Variants in MORN5 observed in about 807,000 individuals in gnomAD.
The protein encoded by MORN5 is MORN repeat containing 5.
A neutral mutation model predicts 22.1 loss-of-function variants in MORN5; 21 were observed. The ratio of observed to expected loss-of-function variants is 0.95; its 90% CI spans 0.67 to 1.37. The LOEUF (loss-of-function observed/expected upper bound fraction) is 1.37, where lower values mean the gene tolerates loss of function less well. Among genes scored for constraint, MORN5 ranks in the 40% most tolerant of loss-of-function variants. The pLI, the probability that MORN5 is intolerant of heterozygous loss-of-function variation, is 0.00. For missense variants in MORN5, 211 were observed against 215.1 expected, an observed-to-expected ratio of 0.98 and a Z score of 0.12; for synonymous variants, 73 against 74.0, an observed-to-expected ratio of 0.99 and a Z score of 0.07.
At chr9:122,185,686 A>G (rs1829618187) in intron 4 of MORN5, among the ~76,000 whole-genome samples, 1 of 152,186 alleles carries the variant, frequency 6.6e-6, no homozygotes, top group Admixed American at 6.5e-5. Context: ...AGTGCCACTG[A>G]CAAACCAAGA....
rs150400155 is a variant in MORN5 at position 122,177,715 on chromosome 9, C to A, written c.439+3088C>A. Among the ~76,000 whole-genome samples the A allele has an allele frequency of 9.7e-4, 147 of 152,322 alleles. No individual in the cohort carries two copies. In the Middle Eastern group the frequency reaches 0.01, roughly 11 times the overall value. On this transcript the variant is annotated intron_variant, in intron 4 of 4. Transcript: ENST00000373764. ...CCCAAAGTGCTGGAATTACCTGACA[C>A]TGCACCTAACCAGGTGTCAATAGCT...
intron 3 of MORN5, among the ~76,000 whole-genome samples, chr9:122,172,382 T>C (rs1829379500): frequency 6.7e-6 from 1 of 149,716 alleles, no homozygotes; most frequent in Non-Finnish European, 1.5e-5. Flanking sequence ...TGGCTCCTGC[T>C]CATGTCCCAG....
intron 4 of MORN5, among the ~76,000 whole-genome samples, chr9:122,194,857 CA>C (rs1316944989): frequency 6.6e-6 from 1 of 151,816 alleles, no homozygotes; most frequent in Non-Finnish European, 1.5e-5. Flanking sequence ...CCATCTCTAC[CA>C]AAAATACAAA....
chr9:122,199,718 C>T (rs1274866267), intron 4 of MORN5, among the ~76,000 whole-genome samples, 167 bp from the exon 5 acceptor site: 1 of 152,146 alleles, frequency 6.6e-6, no homozygotes, highest in Admixed American at 6.5e-5. Context: ...ACCAGCCACT[C>T]CGAGGAATTC....
At position 122,159,908 on chromosome 9, in the gene MORN5, G is replaced by A. The variant is rs1829163327; in HGVS notation, c.-65G>A. 6.4e-7 allele frequency: 1 copy of A among 1,551,930 alleles called. No homozygotes were observed. The highest frequency in any genetic ancestry group is 8.9e-7 in the Non-Finnish European group (1 of 1,123,460). On this transcript the variant is annotated 5_prime_UTR_variant, in exon 1 of 5. Coordinates refer to ENST00000373764, the MANE Select transcript of MORN5 (RefSeq NM_198469.4). ...TCGGCTCCGCCCACCCCTCCAGGTT[G>A]TCATAGTGATGCCGTATCCACTGAG...
chr9:122,181,747 T>G (rs1197546844), intron 4 of MORN5, among the ~76,000 whole-genome samples: 1 of 152,166 alleles, frequency 6.6e-6, no homozygotes, highest in African/African-American at 2.4e-5. Context: ...AGGTTACTTT[T>G]CCCCTTGGAG....
At chr9:122,166,210 G>A (rs1407019345) in intron 1 of MORN5, among the ~76,000 whole-genome samples, 1 of 151,936 alleles carries the variant, frequency 6.6e-6, no homozygotes, top group African/African-American at 2.4e-5. Flanking sequence ...TGACATGTGG[G>A]GATTATGGGA....
rs918372800 is a variant in MORN5 at position 122,197,254 on chromosome 9, T to C, written c.440-2631T>C. Among the ~76,000 whole-genome samples, 8 of 149,766 alleles carry C rather than the reference T, an allele frequency of 5.3e-5. No individual in the cohort carries two copies. Among genetic ancestry groups the C allele is most frequent in the African/African-American group, 2.0e-4 (8 of 40,286 alleles). ...ATTGATTAAAGAGTTTGTGGGGTGT[T>C]TTTCCCCCATCTTTTTTCTCCCTCC... On this transcript the variant is annotated intron_variant, in intron 4 of 4. Coordinates refer to ENST00000373764, the MANE Select transcript of MORN5 (RefSeq NM_198469.4). The surrounding 1 kb of genome is among the most constrained non-coding windows in gnomAD (Gnocchi z 5.7).
chr9:122,160,355 G>A (rs1444251816), intron 1 of MORN5, among the ~76,000 whole-genome samples: 1 of 152,180 alleles, frequency 6.6e-6, no homozygotes, highest in Non-Finnish European at 1.5e-5. Flanking sequence ...AATAATTACA[G>A]ATAATGGTAA....
intron 4 of MORN5, among the ~76,000 whole-genome samples, chr9:122,199,516 C>T (rs1829965775): frequency 1.3e-5 from 2 of 152,122 alleles, no homozygotes. Context: ...CTCCTAGCAC[C>T]ACCGGCAAGG....
At chr9:122,189,756 G>A (rs973765583) in intron 4 of MORN5, among the ~76,000 whole-genome samples, 16 of 152,008 alleles carry the variant, frequency 1.1e-4, no homozygotes, top group African/African-American at 3.9e-4. Flanking sequence ...ACAGGTGCCC[G>A]CCACCACGCC....
intron 4 of MORN5, among the ~76,000 whole-genome samples, chr9:122,189,447 T>A (rs9802908): frequency 0.5 from 75,975 of 151,752 alleles, 22,078 homozygotes; most frequent in African/African-American, 0.79. Context: ...AAGATTTTTT[T>A]AAATTAGCCA....
chr9:122,185,161 T>C (rs1338606993), intron 4 of MORN5, among the ~76,000 whole-genome samples: 3 of 152,064 alleles, frequency 2.0e-5, no homozygotes, highest in Non-Finnish European at 4.4e-5. Flanking sequence ...GTTCACGCCA[T>C]TCTCCTGCCT....
intron 4 of MORN5, among the ~76,000 whole-genome samples, chr9:122,196,274 A>C (rs1829889220): frequency 6.6e-6 from 1 of 150,872 alleles, no homozygotes. Flanking sequence ...ATCTTATTTC[A>C]ATTAACAAAA....
chr9:122,186,847 T>C (rs1201047524), intron 4 of MORN5, among the ~76,000 whole-genome samples: 1 of 152,202 alleles, frequency 6.6e-6, no homozygotes, highest in Non-Finnish European at 1.5e-5. Flanking sequence ...GAGCCTACTC[T>C]CTTTCTCAGC....
intron 4 of MORN5, among the ~76,000 whole-genome samples, chr9:122,186,102 T>C (rs1400409325): frequency 6.6e-6 from 1 of 152,128 alleles, no homozygotes; most frequent in African/African-American, 2.4e-5. Flanking sequence ...CCCGCACCAA[T>C]CACACATCCC....
chr9:122,160,758 G>A (rs1488736184), intron 1 of MORN5, among the ~76,000 whole-genome samples: 1 of 152,036 alleles, frequency 6.6e-6, no homozygotes, highest in Non-Finnish European at 1.5e-5. Context: ...GAGACTACCG[G>A]TGTGCACCAC....
intron 4 of MORN5, among the ~76,000 whole-genome samples, chr9:122,189,714 C>T (rs2118780725): frequency 6.6e-6 from 1 of 152,276 alleles, no homozygotes; most frequent in Non-Finnish European, 1.5e-5. Context: ...TCACGCCATT[C>T]TCCTGCCTCA....
intron 4 of MORN5, among the ~76,000 whole-genome samples, chr9:122,196,164 G>A (rs1182613521): frequency 6.6e-6 from 1 of 151,540 alleles, no homozygotes; most frequent in Admixed American, 6.6e-5. Context: ...TTGCCATGTT[G>A]CCCAGGCTGG....
Sources: gnomAD v4.1 joint callset for allele counts (sites outside exome capture counted in the v4.1 genomes callset) on GRCh38, gnomAD v4.1.1 for gene constraint, Gnocchi (gnomAD v3.1) non-coding constraint, MANE v1.5 for transcripts, NCBI Gene and HGNC (gene_info 2026-07-23, HGNC 2026-07-21) for gene names.